Variants in EVA1C observed in about 807,000 individuals in gnomAD.
The protein encoded by EVA1C is eva-1 homolog C, also known as protein eva-1 homolog C.
A neutral mutation model predicts 45.4 loss-of-function variants in EVA1C; 25 were observed. That is an observed-to-expected ratio of 0.55 (90% CI 0.40 to 0.77). EVA1C has a LOEUF of 0.77. Ranked by LOEUF, EVA1C falls within the 30% of genes least tolerant of loss-of-function variation. The probability of loss-of-function intolerance (pLI) is 0.00; values close to 1 mark genes in which losing one functional copy is unlikely to be tolerated. For missense variants in EVA1C, 479 were observed against 554.8 expected (o/e 0.86, Z 1.37); for synonymous variants, 190 against 221.2 (o/e 0.86, Z 1.25).
At chr21:32,481,400 C>A (rs560857990) in intron 4 of EVA1C, among the ~76,000 whole-genome samples, 10 of 125,820 alleles carry the variant, frequency 7.9e-5, no homozygotes, top group Admixed American at 7.1e-4. Context: ...AGAAACAGAA[C>A]CTTTTTTTTT....
chr21:32,444,637 A>G (rs983844909), intron 1 of EVA1C, among the ~76,000 whole-genome samples: 1 of 152,200 alleles, frequency 6.6e-6, no homozygotes, highest in African/African-American at 2.4e-5. Flanking sequence ...GCATCATTAC[A>G]TAGGCACAAT....
At chr21:32,421,025 A>G (rs2034248241) in intron 1 of EVA1C, among the ~76,000 whole-genome samples, 1 of 152,266 alleles carries the variant, frequency 6.6e-6, no homozygotes, top group Non-Finnish European at 1.5e-5. Context: ...AGATAGTACC[A>G]TCTAGCCTCA....
chr21:32,441,762 G>A (rs971837970), intron 1 of EVA1C, among the ~76,000 whole-genome samples: 3 of 152,170 alleles, frequency 2.0e-5, no homozygotes, highest in African/African-American at 7.2e-5. Flanking sequence ...TGTACAGAAA[G>A]GGAAAAGAAG....
intron 7 of EVA1C, 120 bp from the exon 8 acceptor site, chr21:32,514,694 T>C: frequency 1.7e-6 from 2 of 1,189,530 alleles, no homozygotes; most frequent in Non-Finnish European, 2.3e-6. Flanking sequence ...GTCTCAAAGA[T>C]GCTGGACTGG....
At chr21:32,478,158 C>A (rs893607646) in intron 4 of EVA1C, among the ~76,000 whole-genome samples, 1 of 151,086 alleles carries the variant, frequency 6.6e-6, no homozygotes, top group Non-Finnish European at 1.5e-5. Context: ...TCCTAACTCC[C>A]GGTACCTCAG....
rs2037239275 is a variant in EVA1C at position 32,493,601 on chromosome 21, A to T, written c.635-1426A>T. 4 of 151,942 alleles carry T rather than the reference A, an allele frequency of 2.6e-5. No homozygotes were observed. The South Asian group carries it at 8.4e-4, about 32-fold the overall frequency. The allele number at this position is 151,942 out of a possible 1,614,324, so 9.4% of individuals were successfully genotyped here. A position where few individuals can be genotyped will look rare whatever the true frequency, so the allele number is the denominator to read the frequency against. On this transcript the variant is annotated intron_variant, in intron 4 of 7. Coordinates refer to ENST00000300255, the MANE Select transcript of EVA1C (RefSeq NM_058187.5). ...AGCCCCTCTGCTCCCACGCACAGCG[A>T]TCTCTCCCGCCTCTGACCTAGCACC... is the stretch of plus-strand genomic sequence containing the variant.
chr21:32,473,828 C>A, intron 4 of EVA1C: 2 of 744,896 alleles, frequency 2.7e-6, no homozygotes, highest in Non-Finnish European at 3.3e-6. Flanking sequence ...CTGTCCTGAA[C>A]GGTGAGGTCA....
At chr21:32,448,309 G>A (rs2035438962) in intron 1 of EVA1C, among the ~76,000 whole-genome samples, 1 of 152,186 alleles carries the variant, frequency 6.6e-6, no homozygotes, top group South Asian at 2.1e-4. Context: ...AGGGCTCCAT[G>A]TGCCTAGGCT....
At chr21:32,483,617 C>G (rs2036868153) in intron 4 of EVA1C, among the ~76,000 whole-genome samples, 1 of 152,158 alleles carries the variant, frequency 6.6e-6, no homozygotes. Context: ...TCCTAATGCC[C>G]TTGGAGCATC....
In EVA1C at chr21:32,461,832, T is replaced by C. The variant is rs576719191; in HGVS notation, c.481+4112T>C. ...TCCCAAATTGCATCCCTTCAGGAAA[T>C]GTAGGTTTCAGCGAGGCTTGGATTT... On this transcript the variant is annotated intron_variant, in intron 3 of 7. Transcript: ENST00000300255. Among the ~76,000 whole-genome samples the C allele has an allele frequency of 7.2e-5, 11 of 152,296 alleles. No homozygotes were observed. The South Asian group carries it at 2.1e-3, about 29-fold the overall frequency.
Position 32,413,009 on chromosome 21 carries a change from C to A in EVA1C, c.156C>A (p.Phe52Leu), listed in dbSNP as rs1180589477. 4 of 1,419,888 alleles carry A rather than the reference C, an allele frequency of 2.8e-6. No individual in the cohort carries two copies. The highest frequency in any genetic ancestry group is 3.7e-6 in the Non-Finnish European group (4 of 1,077,226). 88.0% of individuals were successfully genotyped at this position (1,419,888 alleles called of 1,614,324 possible). Residue 52 changes from phenylalanine (F) to leucine (L), a missense_variant, in exon 1 of 8, where the codon TTC becomes TTA. Phe to Leu is a conservative substitution (Grantham distance 22). Coordinates refer to ENST00000300255, the MANE Select transcript of EVA1C (RefSeq NM_058187.5). Reference protein sequence around the residue: ...CSKEISALTDFSGYLTKLLQN... With the variant: ...CSKEISALTDLSGYLTKLLQN... ...AAGAGATCTCAGCGCTCACCGACTTCTCTGGTAAGAGCGCCCTCCCTGGCT... is the reference window on the plus strand; with the variant it reads ...AAGAGATCTCAGCGCTCACCGACTTATCTGGTAAGAGCGCCCTCCCTGGCT...
intron 4 of EVA1C, among the ~76,000 whole-genome samples, chr21:32,475,927 C>CTATCTATCTATA (rs1568924705): frequency 7.3e-5 from 11 of 150,180 alleles, no homozygotes; most frequent in African/African-American, 2.7e-4. Flanking sequence ...ATCTATCTAT[C>CTATCTATCTATA]TATATAAACA....
intron 3 of EVA1C, among the ~76,000 whole-genome samples, chr21:32,463,740 C>CA (rs11305870): frequency 5.5e-4 from 76 of 137,248 alleles, no homozygotes; most frequent in South Asian, 7.0e-4. Flanking sequence ...CAAAACAAAA[C>CA]AAAAAAAAAA....
At chr21:32,480,560 C>T (rs1433476739) in intron 4 of EVA1C, among the ~76,000 whole-genome samples, 1 of 152,146 alleles carries the variant, frequency 6.6e-6, no homozygotes, top group South Asian at 2.1e-4. Flanking sequence ...CCCAGCTACT[C>T]GGGAGGCTAA....
chr21:32,502,016 CTT>C (rs1384809138), intron 6 of EVA1C, among the ~76,000 whole-genome samples: 1 of 136,030 alleles, frequency 7.4e-6, no homozygotes, highest in South Asian at 2.4e-4. Flanking sequence ...TTCTTTCTTT[CTT>C]TCTTTCTTTC....
intron 6 of EVA1C, among the ~76,000 whole-genome samples, chr21:32,503,311 C>T (rs1198373528): frequency 1.3e-5 from 2 of 152,152 alleles, no homozygotes; most frequent in South Asian, 2.1e-4. Context: ...TTTGGGAGGC[C>T]GAGGCGGGCA....
intron 7 of EVA1C, among the ~76,000 whole-genome samples, chr21:32,506,125 T>C (rs1331380697): frequency 2.6e-5 from 4 of 151,774 alleles, no homozygotes; most frequent in Non-Finnish European, 5.9e-5. Flanking sequence ...TATCCTTTTA[T>C]GTGATTGTCA....
intron 4 of EVA1C, among the ~76,000 whole-genome samples, chr21:32,487,474 T>C (rs2037009190): frequency 1.3e-5 from 2 of 152,034 alleles, no homozygotes; most frequent in Admixed American, 1.3e-4. Flanking sequence ...CATCCCTGTA[T>C]TTTGGGAGGC....
At chr21:32,449,453 T>C (rs1384572577) in intron 1 of EVA1C, among the ~76,000 whole-genome samples, 1 of 152,220 alleles carries the variant, frequency 6.6e-6, no homozygotes, top group Non-Finnish European at 1.5e-5. Context: ...TGTCATATAG[T>C]TGGAATCAGA....
Sources: allele counts gnomAD v4.1 joint callset (sites outside exome capture counted in the v4.1 genomes callset), GRCh38; gene constraint gnomAD v4.1.1; transcripts MANE v1.5; gene names NCBI Gene and HGNC (gene_info 2026-07-23, HGNC 2026-07-21).